SPRED1: variants seen among roughly 807,000 people sequenced by gnomAD.
SPRED1 encodes the protein sprouty related EVH1 domain containing 1.
A neutral mutation model predicts 52.3 loss-of-function variants in SPRED1; 18 were observed. The ratio of observed to expected loss-of-function variants is 0.34; its 90% CI spans 0.24 to 0.51. The LOEUF (loss-of-function observed/expected upper bound fraction) is 0.51. SPRED1 is among the 20% of genes least tolerant of loss of function. The pLI is 0.97. For missense variants in SPRED1, 485 were observed against 551.0 expected (o/e 0.88, Z 1.20); for synonymous variants, 155 against 179.7 (o/e 0.86, Z 1.10).
chr15:38,271,890 A>G (rs904715353), intron 1 of SPRED1, among the ~76,000 whole-genome samples: 4 of 152,030 alleles, frequency 2.6e-5, no homozygotes, highest in South Asian at 4.2e-4. Context: ...TAGTTTTTCA[A>G]CCCTTACTTC....
At chr15:38,293,755 TC>T (rs1894972514) in intron 1 of SPRED1, among the ~76,000 whole-genome samples, 1 of 152,140 alleles carries the variant, frequency 6.6e-6, no homozygotes, top group Admixed American at 6.5e-5. Flanking sequence ...ACTACTATTT[TC>T]TTTCTTTCTC....
intron 5 of SPRED1, among the ~76,000 whole-genome samples, chr15:38,349,092 T>C (rs1053325733): frequency 6.6e-6 from 1 of 152,300 alleles, no homozygotes; most frequent in Admixed American, 6.5e-5. Context: ...GTGACATGTG[T>C]AACTACTTTA....
chr15:38,292,600 G>T (rs914827588), intron 1 of SPRED1, among the ~76,000 whole-genome samples: 2 of 152,128 alleles, frequency 1.3e-5, no homozygotes, highest in African/African-American at 4.8e-5. Context: ...AGAAGTCCCT[G>T]ATAAACCCAT....
At chr15:38,313,498 G>A (rs1294966020) in intron 2 of SPRED1, among the ~76,000 whole-genome samples, 1 of 151,848 alleles carries the variant, frequency 6.6e-6, no homozygotes, top group Non-Finnish European at 1.5e-5. Flanking sequence ...TACTCAATGG[G>A]TGAAATCTTG....
chr15:38,351,589 C>T lies in SPRED1; in HGVS notation c.1260C>T (p.Tyr420=), dbSNP rs202087411. 25 of 1,614,060 alleles carry T rather than the reference C, an allele frequency of 1.5e-5. No individual in the cohort carries two copies. Among genetic ancestry groups the T allele is most frequent in the African/African-American group, 6.7e-5 (5 of 75,040 alleles). The change falls in exon 7 of 7, where the codon TAC becomes TAT. Residue 420 remains tyrosine, a synonymous_variant. Transcript: ENST00000299084. ...LSFIVPCMCC[Y]VPLRMCHRCG... The stretch of plus-strand genomic sequence containing the variant: ...TCATTGTACCATGTATGTGCTGCTA[C>T]GTCCCTTTGAGAATGTGCCATCGCT...
At chr15:38,329,887 C>T (rs1895775836) in intron 4 of SPRED1, among the ~76,000 whole-genome samples, 1 of 152,136 alleles carries the variant, frequency 6.6e-6, no homozygotes, top group African/African-American at 2.4e-5. Context: ...TTGTGTCAGT[C>T]TAACTTCAGA....
intron 1 of SPRED1, among the ~76,000 whole-genome samples, chr15:38,294,003 T>C (rs904547253): frequency 5.9e-5 from 9 of 152,156 alleles, no homozygotes; most frequent in Non-Finnish European, 1.0e-4. Flanking sequence ...AACTTTTCAA[T>C]TTTGTTTATG....
chr15:38,312,574 A>G (rs575236630), intron 2 of SPRED1, among the ~76,000 whole-genome samples: 6 of 152,084 alleles, frequency 3.9e-5, no homozygotes, highest in Non-Finnish European at 7.4e-5. Context: ...AGTCCTTGAT[A>G]TATTTCCAAG....
intron 1 of SPRED1, among the ~76,000 whole-genome samples, chr15:38,274,196 T>C (rs1455907359): frequency 2.0e-5 from 3 of 152,198 alleles, no homozygotes; most frequent in South Asian, 2.1e-4. Context: ...TTTTTCCCTT[T>C]AGAGTAGAAG....
intron 1 of SPRED1, among the ~76,000 whole-genome samples, chr15:38,290,563 A>G (rs548483843): frequency 3.0e-4 from 46 of 152,296 alleles, no homozygotes; most frequent in African/African-American, 9.6e-4. Flanking sequence ...ATAAAGACAT[A>G]CCCAAGACTG....
rs879519613 is a variant in SPRED1 at position 38,324,003 on chromosome 15, A to ATGTT, written c.377-760_377-759insTGTT. 4.9e-3 allele frequency among the ~76,000 whole-genome samples: 748 copies of ATGTT among 152,304 alleles called. 2 individuals carry two copies. The highest frequency in any genetic ancestry group is 0.024 in the Middle Eastern group (7 of 294). On this transcript the variant is annotated intron_variant, in intron 3 of 6. Coordinates refer to ENST00000299084, the MANE Select transcript of SPRED1 (RefSeq NM_152594.3). ...CCTTGTTATTTTTGAACATTAAAAA[A>ATGTT]CATTAGCTAGCATTATTATCAGCTG... is the stretch of plus-strand genomic sequence containing the variant.
intron 4 of SPRED1, among the ~76,000 whole-genome samples, chr15:38,338,038 T>TAA (rs66632536): frequency 2.7e-4 from 24 of 88,854 alleles, no homozygotes; most frequent in African/African-American, 6.7e-4. Context: ...CCATTGCTAC[T>TAA]AAAAAAAAAA....
chr15:38,254,118 A>G (rs1894042445), intron 1 of SPRED1, among the ~76,000 whole-genome samples: 1 of 152,100 alleles, frequency 6.6e-6, no homozygotes, highest in Non-Finnish European at 1.5e-5. Flanking sequence ...TTGAGAAGGG[A>G]TTTAATTCCA....
chr15:38,272,622 A>G (rs8039209), intron 1 of SPRED1, among the ~76,000 whole-genome samples: 125,528 of 152,124 alleles, frequency 0.83, 52,553 homozygotes, highest in Non-Finnish European at 0.9. Flanking sequence ...ACTGCTCTCC[A>G]CAGTGGCTGA....
intron 1 of SPRED1, among the ~76,000 whole-genome samples, chr15:38,255,404 T>A (rs1487359018): frequency 6.6e-6 from 1 of 152,174 alleles, no homozygotes; most frequent in Non-Finnish European, 1.5e-5. Flanking sequence ...CCTAGGAGCT[T>A]TGTAATACTT....
At chr15:38,298,559 C>G (rs1310031619) in intron 1 of SPRED1, 1 of 302,070 alleles carries the variant, frequency 3.3e-6, no homozygotes, top group Non-Finnish European at 6.2e-6. Context: ...AGAAAGAAGT[C>G]AGACAAAAAG....
rs1243469330 is a variant in SPRED1, at chr15:38,253,025, G to C, written c.-161G>C. On this transcript the variant is annotated 5_prime_UTR_variant, in exon 1 of 7. Coordinates refer to ENST00000299084, the MANE Select transcript of SPRED1 (RefSeq NM_152594.3). Reference sequence around the variant, plus strand: ...CGGGGGTGGCCGGGGTTCCCGGCTGGGGGGGTACCGTTCTGGGTGAGGCAT... The same window carrying C: ...CGGGGGTGGCCGGGGTTCCCGGCTGCGGGGGTACCGTTCTGGGTGAGGCAT... The C allele has an allele frequency of 2.9e-6, 2 of 685,960 alleles. No homozygotes were observed. Among genetic ancestry groups the C allele is most frequent in the Non-Finnish European group, 5.2e-6 (2 of 383,262 alleles). The allele number at this position is 685,960 out of a possible 1,614,324, so 42.5% of individuals were successfully genotyped here.
chr15:38,254,379 A>G (rs532810967), intron 1 of SPRED1, among the ~76,000 whole-genome samples: 4 of 152,172 alleles, frequency 2.6e-5, no homozygotes, highest in Non-Finnish European at 5.9e-5. Context: ...CCCAAAACAC[A>G]CGCTTCTGCT....
In SPRED1 at chr15:38,354,786, A is replaced by C. The variant is rs1888575541; in HGVS notation, c.*3122A>C. 6.6e-6 allele frequency: 1 copy of C among 152,220 alleles called. No homozygotes were observed. Among genetic ancestry groups the C allele is most frequent in the South Asian group, 2.1e-4 (1 of 4,832 alleles). The allele number at this position is 152,220 out of a possible 1,614,324, so 9.4% of individuals were successfully genotyped here. On this transcript the variant is annotated 3_prime_UTR_variant, in exon 7 of 7. Coordinates refer to ENST00000299084, the MANE Select transcript of SPRED1 (RefSeq NM_152594.3). ...GCAATCAAACTTAATGGATGTACTG[A>C]GGCATTTATAGAACCAGTTGCTTTA...
Sources: gnomAD v4.1 joint callset for allele counts (sites outside exome capture counted in the v4.1 genomes callset) on GRCh38, gnomAD v4.1.1 for gene constraint, MANE v1.5 for transcripts, NCBI Gene and HGNC (gene_info 2026-07-23, HGNC 2026-07-21) for gene names.